Variants in GNG7 observed in about 807,000 individuals in gnomAD.
The protein encoded by GNG7 is guanine nucleotide-binding protein G(I)/G(S)/G(O) subunit gamma-7.
A neutral mutation model predicts 4.0 loss-of-function variants in GNG7; 1 was observed. The observed-to-expected ratio is 0.25, with a 90% CI of 0.09 to 1.18. The LOEUF (loss-of-function observed/expected upper bound fraction) is 1.18. GNG7 is among the 50% of genes most tolerant of loss of function. GNG7 has a pLI of 0.50. For missense variants in GNG7, 86 were observed against 91.9 expected (o/e 0.94, Z 0.26); for synonymous variants, 34 against 36.9 (o/e 0.92, Z 0.29).
At chr19:2,587,384 G>A (rs1980707329) in intron 2 of GNG7, among the ~76,000 whole-genome samples, 1 of 152,154 alleles carries the variant, frequency 6.6e-6, no homozygotes, top group Non-Finnish European at 1.5e-5. Context: ...TGGGCGGAAG[G>A]GCAGAGGGCT....
chr19:2,671,708 T>A (rs1983456962), intron 1 of GNG7, among the ~76,000 whole-genome samples: 1 of 152,136 alleles, frequency 6.6e-6, no homozygotes, highest in Non-Finnish European at 1.5e-5. Flanking sequence ...TGTCATCAGC[T>A]CCTCCAACTA....
intron 2 of GNG7, among the ~76,000 whole-genome samples, chr19:2,558,711 CTTCTT>C (rs927897245): frequency 6.6e-6 from 1 of 151,744 alleles, no homozygotes; most frequent in African/African-American, 2.4e-5. Context: ...TTTCTTTCCT[CTTCTT>C]TCTTTCTTTC....
intron 2 of GNG7, among the ~76,000 whole-genome samples, chr19:2,569,930 C>A (rs55980926): frequency 0.039 from 5,919 of 152,266 alleles, 194 homozygotes; most frequent in African/African-American, 0.085. Context: ...TAGAATCCAG[C>A]AGCACAGGAC....
intron 1 of GNG7, among the ~76,000 whole-genome samples, chr19:2,663,515 C>T (rs576452321): frequency 6.6e-5 from 10 of 152,196 alleles, no homozygotes; most frequent in African/African-American, 9.7e-5. Flanking sequence ...TATAAATTAT[C>T]CAGTCTATGG....
chr19:2,579,281 A>G (rs941647877), intron 2 of GNG7, among the ~76,000 whole-genome samples: 33 of 152,204 alleles, frequency 2.2e-4, no homozygotes, highest in African/African-American at 7.2e-4. Context: ...CCCAGAGTCC[A>G]GGCCACGCCC....
chr19:2,550,471 G>A (rs755053014), intron 3 of GNG7, among the ~76,000 whole-genome samples: 27 of 152,060 alleles, frequency 1.8e-4, no homozygotes, highest in African/African-American at 5.3e-4. Flanking sequence ...AGTGATCTCC[G>A]CCCACCTCAG....
At chr19:2,532,274 G>A (rs896593962) in intron 3 of GNG7, among the ~76,000 whole-genome samples, 2 of 151,996 alleles carry the variant, frequency 1.3e-5, no homozygotes, top group Admixed American at 1.3e-4. Context: ...GAGATAAAAA[G>A]ATGAGATTGG....
In GNG7 at chr19:2,552,853, C is replaced by T. The variant is rs540026536; in HGVS notation, c.-38+2296G>A. 4.5e-5 allele frequency among the ~76,000 whole-genome samples: 6 copies of T among 134,640 alleles called. No homozygotes were observed. The East Asian group carries it at 1.0e-3, about 22-fold the overall frequency. 88.3% of individuals were successfully genotyped at this position (134,640 alleles called of 152,430 possible). A position where few individuals can be genotyped will look rare whatever the true frequency, so the allele number is the denominator to read the frequency against. On this transcript the variant is annotated intron_variant, in intron 3 of 4. Transcript: ENST00000382159. The stretch of plus-strand genomic sequence containing the variant: ...CCCCAAACCATCCTCCCGGCTCCAC[C>T]CCCCCCACCTCCCCACTGTCTGTGG...
chr19:2,613,558 C>T (rs1393271201), intron 2 of GNG7, among the ~76,000 whole-genome samples: 1 of 152,198 alleles, frequency 6.6e-6, no homozygotes, highest in Non-Finnish European at 1.5e-5. Context: ...ATGTGTGCAG[C>T]CTCCTGGGAC....
At chr19:2,572,770 C>A (rs1362633188) in intron 2 of GNG7, among the ~76,000 whole-genome samples, 2 of 151,364 alleles carry the variant, frequency 1.3e-5, no homozygotes, top group East Asian at 2.0e-4. Context: ...ACTTAAAATT[C>A]TTTTCTTCTA....
intron 1 of GNG7, among the ~76,000 whole-genome samples, chr19:2,657,349 AAAAAAAAAAAAAATATATAT>A (rs1489930595): frequency 0.015 from 301 of 19,670 alleles, 20 homozygotes; most frequent in South Asian, 0.15. Flanking sequence ...AAAAAAAAAA[AAAAAAAAAAAAAATATATAT>A]ATATATATAT....
At chr19:2,600,995 T>C (rs1981181587) in intron 2 of GNG7, among the ~76,000 whole-genome samples, 1 of 151,954 alleles carries the variant, frequency 6.6e-6, no homozygotes, top group Non-Finnish European at 1.5e-5. Context: ...ATAAAGCAGT[T>C]GTGGTGGTGT....
At chr19:2,694,948 G>A (rs1913209993) in intron 1 of GNG7, among the ~76,000 whole-genome samples, 1 of 151,988 alleles carries the variant, frequency 6.6e-6, no homozygotes, top group Admixed American at 6.6e-5. Context: ...CACAGGGTAG[G>A]GTTGAACTCG....
intron 3 of GNG7, among the ~76,000 whole-genome samples, chr19:2,531,801 C>G (rs1450067587): frequency 6.7e-6 from 1 of 149,436 alleles, no homozygotes; most frequent in Non-Finnish European, 1.5e-5. Flanking sequence ...AATACAATAT[C>G]TGGCATGCAA....
At chr19:2,567,831 G>T (rs1311558026) in intron 2 of GNG7, among the ~76,000 whole-genome samples, 1 of 152,146 alleles carries the variant, frequency 6.6e-6, no homozygotes, top group Non-Finnish European at 1.5e-5. Flanking sequence ...GACTCCGACG[G>T]GGGCAGGGCA....
intron 3 of GNG7, among the ~76,000 whole-genome samples, chr19:2,528,361 A>C: frequency 6.6e-6 from 1 of 150,402 alleles, no homozygotes; most frequent in Admixed American, 6.6e-5. Flanking sequence ...TCACGAGGCC[A>C]GGAGATACAG....
At chr19:2,681,265 C>G (rs908015050) in intron 1 of GNG7, among the ~76,000 whole-genome samples, 26 of 152,136 alleles carry the variant, frequency 1.7e-4, no homozygotes, top group African/African-American at 5.8e-4. Context: ...CTCACTGCAA[C>G]CTCCACCTCC....
intron 3 of GNG7, among the ~76,000 whole-genome samples, chr19:2,521,532 G>A (rs1978308485): frequency 6.6e-6 from 1 of 151,474 alleles, no homozygotes; most frequent in South Asian, 2.1e-4. Flanking sequence ...GGATCCGAAC[G>A]CGATATCCAT....
Position 2,633,521 on chromosome 19 carries a change from ACAC to A in GNG7, c.-78+12700_-78+12702del, listed in dbSNP as rs1982226664. ...CACACACACACACACACACACACAC[ACAC>A]GAGAGGTGGCTGTGGTCTGCACACT... On this transcript the variant is annotated intron_variant, in intron 2 of 4. Coordinates refer to ENST00000382159, the MANE Select transcript of GNG7 (RefSeq NM_052847.3). The surrounding 1 kb of genome is among the most constrained non-coding windows in gnomAD (Gnocchi z 5.9). Among the ~76,000 whole-genome samples, 2 of 149,372 alleles carry A rather than the reference ACAC, an allele frequency of 1.3e-5. No homozygotes were observed. Among genetic ancestry groups the A allele is most frequent in the Non-Finnish European group, 3.0e-5 (2 of 67,372 alleles).
Sources: gnomAD v4.1 joint callset for allele counts (sites outside exome capture counted in the v4.1 genomes callset) on GRCh38, gnomAD v4.1.1 for gene constraint, Gnocchi (gnomAD v3.1) non-coding constraint, MANE v1.5 for transcripts, NCBI Gene and HGNC (gene_info 2026-07-23, HGNC 2026-07-21) for gene names.